The following NCKAP1L variants were observed in gnomAD, a reference collection of about 807,000 sequenced individuals.
NCKAP1L encodes NCK associated protein 1 like.
In NCKAP1L, 53 loss-of-function variants were observed where a neutral mutation model predicts 139.2. That is an observed-to-expected ratio of 0.38 (90% CI 0.31 to 0.48). NCKAP1L has a LOEUF of 0.48. Among genes scored for constraint, NCKAP1L ranks in the 20% least tolerant of loss-of-function variants. The pLI, the probability that NCKAP1L is intolerant of heterozygous loss-of-function variation, is 0.98. For synonymous variants in NCKAP1L, 468 were observed against 499.7 expected, an observed-to-expected ratio of 0.94 and a Z score of 0.85; for missense variants, 1,151 against 1,381.9, an observed-to-expected ratio of 0.83 and a Z score of 2.65.
intron 20 of NCKAP1L, among the ~76,000 whole-genome samples, chr12:54,526,101 C>T (rs906608577): frequency 5.3e-5 from 8 of 152,126 alleles, no homozygotes; most frequent in Non-Finnish European, 8.8e-5. Flanking sequence ...TGGCAGTGAT[C>T]GGAACTAATT....
chr12:54,520,425 A>T (rs1395317415), intron 16 of NCKAP1L, among the ~76,000 whole-genome samples: 1 of 152,232 alleles, frequency 6.6e-6, no homozygotes, highest in African/African-American at 2.4e-5. Context: ...TTGTGCAAGG[A>T]AAGGGAAGAA....
At chr12:54,535,495 C>A (rs1957107916) in intron 27 of NCKAP1L, among the ~76,000 whole-genome samples, 1 of 152,164 alleles carries the variant, frequency 6.6e-6, no homozygotes, top group Non-Finnish European at 1.5e-5. Context: ...AAGCCATTTA[C>A]AATCTGGTTG....
rs150386703 is a variant in NCKAP1L, at chr12:54,532,213, G to C, written c.2825G>C (p.Cys942Ser). 34 of 1,613,340 alleles carry C rather than the reference G, an allele frequency of 2.1e-5. No homozygotes were observed. In the African/African-American group the frequency reaches 4.0e-4, roughly 19 times the overall value. Reference protein sequence around the residue: ...HCPFLMGPIECLKEFVTPDTD... With the variant: ...HCPFLMGPIESLKEFVTPDTD... ...CCATTTCTTATGGGTCCCATTGAGTGCTTGAAGGAGTTTGTCACTCCAGAC... is the reference window on the plus strand; with the variant it reads ...CCATTTCTTATGGGTCCCATTGAGTCCTTGAAGGAGTTTGTCACTCCAGAC... Residue 942 changes from cysteine (C) to serine (S), a missense_variant, in exon 26 of 31, where the codon TGC becomes TCC. Cys to Ser is a moderately radical substitution (Grantham distance 112, BLOSUM62 -1). Coordinates refer to ENST00000293373, the MANE Select transcript of NCKAP1L (RefSeq NM_005337.5).
Position 54,509,940 on chromosome 12 carries a change from C to T in NCKAP1L, c.690C>T (p.Leu230=). 6.2e-7 allele frequency: 1 copy of T among 1,614,238 alleles called. No homozygotes were observed. Among genetic ancestry groups the T allele is most frequent in the Non-Finnish European group, 8.5e-7 (1 of 1,180,040 alleles). The part of the protein sequence containing the change: ...EQWRSAQLLS[L]ISNPPAMINP... ...GGCGCAGTGCCCAACTTCTAAGCCTCATCAGCAACCCCCCAGCCATGATTA... is the reference window on the plus strand; with the variant it reads ...GGCGCAGTGCCCAACTTCTAAGCCTTATCAGCAACCCCCCAGCCATGATTA... Residue 230 remains leucine, a synonymous_variant, in exon 7 of 31, where the codon CTC becomes CTT. Coordinates refer to ENST00000293373, the MANE Select transcript of NCKAP1L (RefSeq NM_005337.5).
At chr12:54,519,404 CACTT>C (rs1565677687) in intron 16 of NCKAP1L, 72 bp downstream of exon 16, 3 of 1,124,036 alleles carry the variant, frequency 2.7e-6, no homozygotes, top group South Asian at 2.8e-5. Context: ...TCCATTATGC[CACTT>C]ACTTCAAAGA....
rs540049172 is a variant in NCKAP1L, at chr12:54,518,910, G to A, written c.1421-4G>A. 7.4e-6 allele frequency: 12 copies of A among 1,612,926 alleles called. No homozygotes were observed. The African/African-American group carries it at 9.3e-5, about 13-fold the overall frequency. On this transcript the variant is annotated splice_polypyrimidine_tract_variant and splice_region_variant and intron_variant, in intron 14 of 30. Coordinates refer to ENST00000293373, the MANE Select transcript of NCKAP1L (RefSeq NM_005337.5). ...TTCCTTTTATACTTCCGTTTTTCTTGCAGTTGATAATGGAGAAAAATTTGA... is the reference window on the plus strand; with the variant it reads ...TTCCTTTTATACTTCCGTTTTTCTTACAGTTGATAATGGAGAAAAATTTGA...
chr12:54,538,843 G>T, intron 29 of NCKAP1L, 41 bp from the exon 30 acceptor site: 1 of 1,491,214 alleles, frequency 6.7e-7, no homozygotes, highest in South Asian at 1.1e-5. Context: ...ATTTGATACT[G>T]ACCTGTATAA....
chr12:54,516,427 T>A (rs1288788100), intron 10 of NCKAP1L, 132 bp downstream of exon 10: 1 of 776,344 alleles, frequency 1.3e-6, no homozygotes, highest in Non-Finnish European at 2.1e-6. Flanking sequence ...TGCTACCCCA[T>A]AAATTCTTTT....
intron 26 of NCKAP1L, among the ~76,000 whole-genome samples, chr12:54,533,859 T>G (rs1957093679): frequency 6.6e-6 from 1 of 152,256 alleles, no homozygotes; most frequent in Non-Finnish European, 1.5e-5. Flanking sequence ...CATGAGCCAT[T>G]GCTCTGGCCA....
intron 28 of NCKAP1L, chr12:54,536,664 A>G: frequency 2.8e-6 from 1 of 353,286 alleles, no homozygotes; most frequent in African/African-American, 2.1e-5. Context: ...CTTTAAAAAA[A>G]GAAAAAAAAA....
At chr12:54,513,968 A>AT (rs367568780) in intron 9 of NCKAP1L, among the ~76,000 whole-genome samples, 6 of 148,700 alleles carry the variant, frequency 4.0e-5, no homozygotes, top group Non-Finnish European at 7.4e-5. Context: ...CATCCTTCAG[A>AT]TGTGTGTGTG....
At chr12:54,505,518 C>G (rs1249519602) in intron 3 of NCKAP1L, among the ~76,000 whole-genome samples, 1 of 149,866 alleles carries the variant, frequency 6.7e-6, no homozygotes, top group East Asian at 1.9e-4. Context: ...GATCTACTTT[C>G]TAGAATAGAT....
intron 27 of NCKAP1L, among the ~76,000 whole-genome samples, chr12:54,535,853 G>T (rs1251246829): frequency 6.6e-6 from 1 of 152,126 alleles, no homozygotes; most frequent in Non-Finnish European, 1.5e-5. Flanking sequence ...AGGCATCCTA[G>T]GGTTGCATTG....
chr12:54,534,367 CT>C (rs1957097652), intron 26 of NCKAP1L, among the ~76,000 whole-genome samples: 1 of 152,196 alleles, frequency 6.6e-6, no homozygotes, highest in Admixed American at 6.5e-5. Context: ...CACTCCAAAG[CT>C]TTTTGCTCCC....
rs563963430 is a variant in NCKAP1L at position 54,542,859 on chromosome 12, C to T, written c.*174C>T. On this transcript the variant is annotated 3_prime_UTR_variant, in exon 31 of 31. Transcript: ENST00000293373. ...GAAGAACAATCCAGGGCTGAGAAAT[C>T]GTAGAGCAGTGAGGCAGGCTGGGAG... The T allele has an allele frequency of 1.5e-5, 8 of 535,734 alleles. No individual in the cohort carries two copies. Among genetic ancestry groups the T allele is most frequent in the South Asian group, 2.8e-5 (1 of 35,848 alleles). The allele number at this position is 535,734 out of a possible 1,614,324, so 33.2% of individuals were successfully genotyped here.
At chr12:54,497,929 A>G (rs1403337315) in intron 1 of NCKAP1L, 38 bp downstream of exon 1, 2 of 1,328,542 alleles carry the variant, frequency 1.5e-6, no homozygotes, top group African/African-American at 2.9e-5. Flanking sequence ...GATTATTCCA[A>G]CAATAATAGG....
intron 9 of NCKAP1L, 186 bp downstream of exon 9, chr12:54,512,291 A>G: frequency 3.7e-6 from 2 of 536,596 alleles, no homozygotes; most frequent in South Asian, 5.3e-5. Flanking sequence ...CACAATAATG[A>G]ATAAGACAAC....
At chr12:54,516,329 A>T (rs373559394) in intron 10 of NCKAP1L, 34 bp downstream of exon 10, 8 of 1,590,648 alleles carry the variant, frequency 5.0e-6, no homozygotes, top group Non-Finnish European at 6.9e-6. Flanking sequence ...CTGAGAGGGG[A>T]TGGAATAGGA....
At chr12:54,522,655 C>A (rs983673394) in intron 18 of NCKAP1L, among the ~76,000 whole-genome samples, 1 of 152,104 alleles carries the variant, frequency 6.6e-6, no homozygotes, top group African/African-American at 2.4e-5. Flanking sequence ...AAAGAAGGCA[C>A]GACTAAAAGT....
Sources: gnomAD v4.1 joint callset for allele counts (sites outside exome capture counted in the v4.1 genomes callset) on GRCh38, gnomAD v4.1.1 for gene constraint, MANE v1.5 for transcripts, NCBI Gene and HGNC (gene_info 2026-07-23, HGNC 2026-07-21) for gene names.